The following ADAMTSL1 variants were observed in gnomAD, a reference collection of about 807,000 sequenced individuals.
ADAMTSL1 encodes ADAMTS-like protein 1.
ADAMTSL1 carries 126 observed loss-of-function variants against 201.8 expected under a neutral mutation model. The ratio of observed to expected loss-of-function variants is 0.62; its 90% CI spans 0.54 to 0.72. The LOEUF (loss-of-function observed/expected upper bound fraction) is 0.72. ADAMTSL1 is among the 30% of genes least tolerant of loss of function. The probability of loss-of-function intolerance (pLI) is 0.00; values close to 1 mark genes in which losing one functional copy is unlikely to be tolerated. For missense variants in ADAMTSL1, 2,679 were observed against 2,277.8 expected, an observed-to-expected ratio of 1.18 and a Z score of -3.59; for synonymous variants, 1,121 against 903.4, an observed-to-expected ratio of 1.24 and a Z score of -4.32.
chr9:18,685,348 C>T (rs1026615153), intron 13 of ADAMTSL1, among the ~76,000 whole-genome samples: 8 of 152,116 alleles, frequency 5.3e-5, no homozygotes, highest in East Asian at 1.9e-4. Context: ...TCTGTAAAAC[C>T]GTGAGGCCCA....
intron 2 of ADAMTSL1, among the ~76,000 whole-genome samples, chr9:18,234,679 T>C (rs911280767): frequency 6.6e-6 from 1 of 152,202 alleles, no homozygotes; most frequent in African/African-American, 2.4e-5. Context: ...ATTGGCAATA[T>C]GGAAATTCAA....
At chr9:18,634,329 C>G (rs959809985) in intron 5 of ADAMTSL1, among the ~76,000 whole-genome samples, 2 of 150,936 alleles carry the variant, frequency 1.3e-5, no homozygotes, top group South Asian at 2.1e-4. Flanking sequence ...TTTGGGAGGC[C>G]GAGGCAGGTG....
intron 1 of ADAMTSL1, among the ~76,000 whole-genome samples, chr9:17,969,867 T>G (rs1818137701): frequency 1.3e-5 from 2 of 152,112 alleles, no homozygotes; most frequent in African/African-American, 4.8e-5. Flanking sequence ...CAAACTTGTT[T>G]TGGTGTTAAG....
chr9:18,276,167 A>G (rs1832580803), intron 2 of ADAMTSL1, among the ~76,000 whole-genome samples: 2 of 151,996 alleles, frequency 1.3e-5, no homozygotes, highest in Admixed American at 6.6e-5. Context: ...TTTCAGACCT[A>G]TCACCCCTGC....
At chr9:18,405,112 ACT>A (rs1018577120) in intron 2 of ADAMTSL1, among the ~76,000 whole-genome samples, 7 of 152,028 alleles carry the variant, frequency 4.6e-5, no homozygotes, top group Admixed American at 2.0e-4. Flanking sequence ...AAGAGTTGAG[ACT>A]CTACCTGTAT....
intron 1 of ADAMTSL1, among the ~76,000 whole-genome samples, chr9:18,002,207 T>A (rs10963391): frequency 9.9e-5 from 15 of 151,914 alleles, no homozygotes; most frequent in Non-Finnish European, 1.9e-4. Context: ...TGTTAATCTA[T>A]AGGAATCTGT....
Position 18,212,001 on chromosome 9 carries a change from CA to C in ADAMTSL1, c.207+48021del, listed in dbSNP as rs1489648957. ...CTTAGTATGCCAGGAATGAAAGTCT[CA>C]TTCAAGGACAGAACCTGGGACTCTC... is the stretch of plus-strand genomic sequence containing the variant. On this transcript the variant is annotated intron_variant, in intron 2 of 29. Transcript: ENST00000680146. Among the ~76,000 whole-genome samples, 7 of 152,226 alleles carry C rather than the reference CA, an allele frequency of 4.6e-5. No homozygotes were observed. In the East Asian group the frequency reaches 1.4e-3, roughly 29 times the overall value.
intron 20 of ADAMTSL1, among the ~76,000 whole-genome samples, chr9:18,801,303 T>C (rs1028112264): frequency 6.6e-6 from 1 of 152,230 alleles, no homozygotes; most frequent in African/African-American, 2.4e-5. Flanking sequence ...CACAAAATTC[T>C]TTGTGAATGT....
chr9:18,484,850 A>C (rs1171607858), intron 1 of ADAMTSL1, among the ~76,000 whole-genome samples: 1 of 152,184 alleles, frequency 6.6e-6, no homozygotes, highest in Admixed American at 6.5e-5. Flanking sequence ...ATAGACTATT[A>C]AAATTTCAGA....
intron 14 of ADAMTSL1, among the ~76,000 whole-genome samples, chr9:18,710,217 T>C (rs1420449321): frequency 6.6e-6 from 1 of 152,154 alleles, no homozygotes; most frequent in Non-Finnish European, 1.5e-5. Context: ...CAGCCTCAAT[T>C]GCATGCTGTG....
intron 16 of ADAMTSL1, among the ~76,000 whole-genome samples, chr9:18,765,610 T>C (rs2133689168): frequency 6.6e-6 from 1 of 152,170 alleles, no homozygotes; most frequent in South Asian, 2.1e-4. Flanking sequence ...AATAATTAAT[T>C]TTAAAAGAAG....
intron 1 of ADAMTSL1, among the ~76,000 whole-genome samples, chr9:18,118,122 G>T (rs1043644491): frequency 6.6e-6 from 1 of 152,156 alleles, no homozygotes; most frequent in Non-Finnish European, 1.5e-5. Context: ...CACTTGATGA[G>T]TTTCATAAGT....
intron 2 of ADAMTSL1, among the ~76,000 whole-genome samples, chr9:18,333,960 A>G (rs78314069): frequency 0.025 from 3,730 of 152,186 alleles, 144 homozygotes; most frequent in African/African-American, 0.085. Context: ...CAATTCTAAG[A>G]ATCAACTAGC....
rs72686847 is a variant in ADAMTSL1 at position 18,313,895 on chromosome 9, C to T, written c.207+149914C>T. Among the ~76,000 whole-genome samples the T allele has an allele frequency of 6.5e-3, 996 of 152,134 alleles. 5 individuals carry two copies. Among genetic ancestry groups the T allele is most frequent in the South Asian group, 0.021 (99 of 4,790 alleles). ...ACAGTCAACCAAATGAAAAGGCAAC[C>T]TATAGAATGGGAGAAATAATTTGCA... On this transcript the variant is annotated intron_variant, in intron 2 of 29. Coordinates refer to the ADAMTSL1 transcript ENST00000680146.
At position 17,912,271 on chromosome 9, in the gene ADAMTSL1, A is replaced by T. The variant is rs1317307351; in HGVS notation, c.87+5349A>T. Among the ~76,000 whole-genome samples, 15 of 66,846 alleles carry T rather than the reference A, an allele frequency of 2.2e-4. 7 individuals are homozygous for T. Among genetic ancestry groups the T allele is most frequent in the Non-Finnish European group, 5.1e-4 (11 of 21,700 alleles). The allele number at this position is 66,846 out of a possible 152,430, so 43.9% of individuals were successfully genotyped here. On this transcript the variant is annotated intron_variant, in intron 1 of 29. Coordinates refer to the ADAMTSL1 transcript ENST00000680146. ...CTGAGGAATTACCACACTGACTTCC[A>T]CAAGGGTTGAACTAGTTTACAGTCC...
chr9:17,932,283 C>G (rs1478238900), intron 1 of ADAMTSL1, among the ~76,000 whole-genome samples: 1 of 152,156 alleles, frequency 6.6e-6, no homozygotes, highest in Non-Finnish European at 1.5e-5. Flanking sequence ...GTTGGCAATT[C>G]CAGGGCGGTT....
At chr9:18,601,480 A>G (rs1824652937) in intron 4 of ADAMTSL1, among the ~76,000 whole-genome samples, 1 of 152,210 alleles carries the variant, frequency 6.6e-6, no homozygotes. Context: ...TCAAATTCCC[A>G]GGGAAGAGAG....
At chr9:18,227,580 G>A (rs1830477275) in intron 2 of ADAMTSL1, among the ~76,000 whole-genome samples, 1 of 152,126 alleles carries the variant, frequency 6.6e-6, no homozygotes, top group African/African-American at 2.4e-5. Flanking sequence ...ATGCAAGATG[G>A]CCATTTGTCC....
At chr9:18,054,768 A>T (rs1204812700) in intron 1 of ADAMTSL1, among the ~76,000 whole-genome samples, 1 of 152,196 alleles carries the variant, frequency 6.6e-6, no homozygotes, top group Non-Finnish European at 1.5e-5. Flanking sequence ...CTGTCTTTTT[A>T]TTATCTAGAG....
Sources: gnomAD v4.1 joint callset for allele counts (sites outside exome capture counted in the v4.1 genomes callset) on GRCh38, gnomAD v4.1.1 for gene constraint, MANE v1.5 for transcripts, NCBI Gene and HGNC (gene_info 2026-07-23, HGNC 2026-07-21) for gene names.